Variants in TLN2 observed in about 807,000 individuals in gnomAD.
The protein encoded by TLN2 is talin-2.
TLN2 carries 118 observed loss-of-function variants against 294.7 expected under a neutral mutation model. The ratio of observed to expected loss-of-function variants is 0.40; its 90% CI spans 0.34 to 0.47. The LOEUF is 0.47. Among genes scored for constraint, TLN2 ranks in the 20% least tolerant of loss-of-function variants. The pLI is 0.84. For synonymous variants in TLN2, 1,431 were observed against 1,304.5 expected (o/e 1.10, Z -2.09); for missense variants, 3,083 against 3,282.2 (o/e 0.94, Z 1.48).
chr15:62,549,449 G>A (rs574044903), intron 1 of TLN2, among the ~76,000 whole-genome samples: 9 of 141,522 alleles, frequency 6.4e-5, no homozygotes, highest in Non-Finnish European at 1.1e-4. Context: ...AAGTTTAATA[G>A]TGCCACTCAG....
chr15:62,711,298 A>G (rs1266234392), intron 21 of TLN2, among the ~76,000 whole-genome samples: 1 of 152,200 alleles, frequency 6.6e-6, no homozygotes, highest in Non-Finnish European at 1.5e-5. Flanking sequence ...CCAAAGAATA[A>G]TGCAAGATCA....
At chr15:62,678,528 G>T (rs1312099453) in intron 11 of TLN2, among the ~76,000 whole-genome samples, 1 of 152,152 alleles carries the variant, frequency 6.6e-6, no homozygotes, top group African/African-American at 2.4e-5. Flanking sequence ...TAATAGAAAT[G>T]CTAGAGAGAA....
chr15:62,613,866 AAG>A (rs1555446684), intron 2 of TLN2, among the ~76,000 whole-genome samples: 2 of 152,096 alleles, frequency 1.3e-5, no homozygotes, highest in Non-Finnish European at 2.9e-5. Context: ...AAAAAAAAAA[AAG>A]AGTGTATACT....
chr15:62,703,389 C>T (rs547245163), intron 19 of TLN2, among the ~76,000 whole-genome samples: 21 of 151,984 alleles, frequency 1.4e-4, no homozygotes, highest in Non-Finnish European at 2.5e-4. Context: ...CGTGAGCCAC[C>T]GCGCCTGGCC....
intron 2 of TLN2, among the ~76,000 whole-genome samples, chr15:62,606,744 G>C (rs1012761963): frequency 6.6e-6 from 1 of 152,218 alleles, no homozygotes; most frequent in Non-Finnish European, 1.5e-5. Flanking sequence ...AAATTGGGCA[G>C]ACTTGGGTTG....
rs1220079412 is a variant in TLN2, at chr15:62,758,925, G to T, written c.4639-2756G>T. Among the ~76,000 whole-genome samples the T allele has an allele frequency of 2.7e-5, 4 of 145,822 alleles. No individual in the cohort carries two copies. In the Admixed American group the frequency reaches 2.8e-4, roughly 10 times the overall value. On this transcript the variant is annotated intron_variant, in intron 37 of 58. Transcript: ENST00000636159. Reference sequence around the variant, plus strand: ...AGTTTAAGCTTAAATTGTCTTTAGGGTCCCCTCTAACCCCCAAAGTCCATG... The same window carrying T: ...AGTTTAAGCTTAAATTGTCTTTAGGTTCCCCTCTAACCCCCAAAGTCCATG...
intron 3 of TLN2, among the ~76,000 whole-genome samples, chr15:62,635,357 A>G (rs2050273420): frequency 6.6e-6 from 1 of 152,208 alleles, no homozygotes; most frequent in East Asian, 1.9e-4. Flanking sequence ...TAGCTGATAT[A>G]CCCAAAAAGA....
intron 40 of TLN2, among the ~76,000 whole-genome samples, chr15:62,764,190 C>G (rs538164480): frequency 3.9e-5 from 6 of 152,240 alleles, no homozygotes; most frequent in African/African-American, 1.4e-4. Context: ...CTTTGGCATC[C>G]TATTATTAAT....
rs190553945 is a variant in TLN2, at chr15:62,553,463, C to T, written c.-237-36224C>T. 3.3e-3 allele frequency among the ~76,000 whole-genome samples: 495 copies of T among 151,554 alleles called. 1 individual carries two copies. Among genetic ancestry groups the T allele is most frequent in the African/African-American group, 0.011 (472 of 41,284 alleles). ...TCACGCCATTGCACTCCAGTGTGGG[C>T]GACAGAGCGAGACTCCGTCTCAAAA... On this transcript the variant is annotated intron_variant, in intron 1 of 58. Coordinates refer to ENST00000636159, the MANE Select transcript of TLN2 (RefSeq NM_015059.3).
chr15:62,693,032 C>T, intron 13 of TLN2, 91 bp downstream of exon 13: 1 of 1,126,118 alleles, frequency 8.9e-7, no homozygotes. Flanking sequence ...AAAAAATCCT[C>T]TTAAATAATA....
chr15:62,650,825 A>G (rs1297062051), intron 5 of TLN2, among the ~76,000 whole-genome samples: 1 of 152,162 alleles, frequency 6.6e-6, no homozygotes, highest in Non-Finnish European at 1.5e-5. Flanking sequence ...TAAGAAATGA[A>G]TAGTTTAGTT....
At chr15:62,729,498 A>G (rs950562729) in intron 28 of TLN2, among the ~76,000 whole-genome samples, 4 of 152,050 alleles carry the variant, frequency 2.6e-5, no homozygotes, top group Non-Finnish European at 5.9e-5. Flanking sequence ...GTGAATATCC[A>G]TTTATTTAGG....
At chr15:62,651,759 T>G (rs1177716174) in intron 5 of TLN2, among the ~76,000 whole-genome samples, 1 of 152,122 alleles carries the variant, frequency 6.6e-6, no homozygotes, top group Non-Finnish European at 1.5e-5. Context: ...GTAAATGAAA[T>G]GCAGCAATAA....
chr15:62,558,036 C>T (rs1216657699), intron 1 of TLN2, among the ~76,000 whole-genome samples: 1 of 152,174 alleles, frequency 6.6e-6, no homozygotes, highest in Non-Finnish European at 1.5e-5. Context: ...TGCTTTTATG[C>T]ATCTCTGTTG....
At chr15:62,749,463 A>C (rs750871029) in intron 33 of TLN2, among the ~76,000 whole-genome samples, 2 of 152,242 alleles carry the variant, frequency 1.3e-5, no homozygotes, top group Non-Finnish European at 2.9e-5. Flanking sequence ...TGGTTGAAAA[A>C]TATGACTAGT....
rs181901407 is a variant in TLN2, at chr15:62,609,014, G to A, written c.-161-9337G>A. The stretch of plus-strand genomic sequence containing the variant: ...GGCTGTGCAAGGGAGCATAGAGGCC[G>A]GGCACTAGCCTGGAGAGTTTGTGGG... On this transcript the variant is annotated intron_variant, in intron 2 of 58. Transcript: ENST00000636159. Among the ~76,000 whole-genome samples the A allele has an allele frequency of 2.4e-3, 368 of 152,134 alleles. 1 individual carries two copies. Among genetic ancestry groups the A allele is most frequent in the African/African-American group, 8.4e-3 (349 of 41,490 alleles).
intron 48 of TLN2, 72 bp downstream of exon 48, chr15:62,797,474 G>A: frequency 2.7e-6 from 4 of 1,470,122 alleles, no homozygotes; most frequent in Middle Eastern, 2.5e-4. Flanking sequence ...CTCAGAAGAG[G>A]CCTAAGGCAG....
chr15:62,655,907 T>A (rs200008355), intron 7 of TLN2, 37 bp from the exon 8 acceptor site: 1 of 1,608,414 alleles, frequency 6.2e-7, no homozygotes, highest in East Asian at 2.2e-5. Context: ...ACAGGAAAAA[T>A]AAACACAGTT....
chr15:62,469,111 G>C (rs539592197), intron 1 of TLN2, among the ~76,000 whole-genome samples: 2 of 152,352 alleles, frequency 1.3e-5, no homozygotes, highest in South Asian at 4.1e-4. Context: ...AATTGAAACA[G>C]AGCTTGGACT....
Sources: gnomAD v4.1 joint callset for allele counts (sites outside exome capture counted in the v4.1 genomes callset) on GRCh38, gnomAD v4.1.1 for gene constraint, MANE v1.5 for transcripts, NCBI Gene and HGNC (gene_info 2026-07-23, HGNC 2026-07-21) for gene names.